OPRM1: variants seen among roughly 807,000 people sequenced by gnomAD.
OPRM1 encodes the protein opioid receptor mu 1.
OPRM1 carries 27 observed loss-of-function variants against 31.8 expected under a neutral mutation model. The ratio of observed to expected loss-of-function variants is 0.85; its 90% CI spans 0.63 to 1.17. OPRM1 has a LOEUF of 1.17. OPRM1 is among the 50% of genes most tolerant of loss of function. The probability of loss-of-function intolerance (pLI) is 0.00; values close to 1 mark genes in which losing one functional copy is unlikely to be tolerated. For missense variants in OPRM1, 536 were observed against 511.1 expected (o/e 1.05, Z -0.47); for synonymous variants, 196 against 189.9 (o/e 1.03, Z -0.26).
In OPRM1 at chr6:154,168,849, G is replaced by A. The variant is rs1476527078; in HGVS notation, c.1164+77377G>A. On this transcript the variant is annotated intron_variant, in intron 3 of 3. Coordinates refer to the OPRM1 transcript ENST00000337049. The surrounding 1 kb of genome is among the most constrained non-coding windows in gnomAD (Gnocchi z 4.1). ...TTGAACTCCTGACTTTGGGTGATCC[G>A]CCCACCTTGGCCTCCCAAAGTGCTG... 1.1e-4 allele frequency among the ~76,000 whole-genome samples: 16 copies of A among 151,542 alleles called. No individual in the cohort carries two copies. The highest frequency in any genetic ancestry group is 2.1e-4 in the South Asian group (1 of 4,814).
At chr6:154,234,181 G>A (rs1349579050) in intron 3 of OPRM1, among the ~76,000 whole-genome samples, 2 of 152,072 alleles carry the variant, frequency 1.3e-5, no homozygotes, top group African/African-American at 4.8e-5. Flanking sequence ...GGAGGACAGT[G>A]AGACCCCATC....
intron 3 of OPRM1, among the ~76,000 whole-genome samples, chr6:154,099,506 G>GAAA (rs1794113812): frequency 6.7e-6 from 1 of 150,120 alleles, no homozygotes; most frequent in Admixed American, 6.7e-5. Flanking sequence ...AAAAGAAAGA[G>GAAA]GAAGGAAAGA....
In OPRM1 at chr6:154,131,608, T is replaced by C. The variant is rs1336884649; in HGVS notation, c.*12887T>C. On this transcript the variant is annotated 3_prime_UTR_variant, in exon 4 of 4. Transcript: ENST00000330432. The stretch of plus-strand genomic sequence containing the variant: ...GTAGTCCAGACACCTAAACAGGACA[T>C]AGAAATGTCAACTGGTCATATTAAA... 1.3e-5 allele frequency among the ~76,000 whole-genome samples: 2 copies of C among 152,218 alleles called. No homozygotes were observed. The highest frequency in any genetic ancestry group is 3.8e-4 in the East Asian group (2 of 5,200).
intron 3 of OPRM1, among the ~76,000 whole-genome samples, chr6:154,186,703 C>T (rs986218070): frequency 1.3e-5 from 2 of 152,038 alleles, no homozygotes; most frequent in Non-Finnish European, 2.9e-5. Flanking sequence ...ACTACAGGCG[C>T]CCGCCATCAC....
chr6:154,188,973 A>C (rs1235919210), intron 3 of OPRM1, among the ~76,000 whole-genome samples: 2 of 152,196 alleles, frequency 1.3e-5, no homozygotes, highest in African/African-American at 4.8e-5. Context: ...AGGATAGATA[A>C]TTTTAATCAC....
intron 3 of OPRM1, among the ~76,000 whole-genome samples, chr6:154,180,088 G>C (rs918194715): frequency 2.0e-5 from 3 of 152,120 alleles, no homozygotes; most frequent in African/African-American, 7.2e-5. Context: ...TGTCCATAAA[G>C]CAGCACTCTG....
chr6:154,200,478 T>G (rs933037689), intron 3 of OPRM1, among the ~76,000 whole-genome samples: 9 of 152,310 alleles, frequency 5.9e-5, no homozygotes, highest in Non-Finnish European at 1.2e-4. Context: ...CCCAGCACTT[T>G]GGAAGACCGA....
chr6:154,081,517 AT>A (rs1162553738), intron 1 of OPRM1, among the ~76,000 whole-genome samples: 1 of 148,548 alleles, frequency 6.7e-6, no homozygotes, highest in African/African-American at 2.5e-5. Flanking sequence ...AAATAAATAA[AT>A]AAATGAAAGA....
chr6:154,158,147 T>G lies in OPRM1; in HGVS notation c.1164+66675T>G, dbSNP rs549072260. 3 of 152,380 alleles carry G rather than the reference T, an allele frequency of 2.0e-5. No homozygotes were observed. The South Asian group carries it at 6.2e-4, about 32-fold the overall frequency. The allele number at this position is 152,380 out of a possible 1,614,324, so 9.4% of individuals were successfully genotyped here. A position where few individuals can be genotyped will look rare whatever the true frequency, so the allele number is the denominator to read the frequency against. On this transcript the variant is annotated intron_variant, in intron 3 of 3. Transcript: ENST00000337049. The stretch of plus-strand genomic sequence containing the variant: ...TTCTTAGTAAAGCTTGGGGAACTAT[T>G]CAACAACTATTTCCATTTTGTTTGC...
At chr6:154,150,100 C>G (rs992038458) in intron 3 of OPRM1, among the ~76,000 whole-genome samples, 3 of 152,216 alleles carry the variant, frequency 2.0e-5, no homozygotes, top group Non-Finnish European at 4.4e-5. Flanking sequence ...GCACTTGCGT[C>G]CCTTCCTCCA....
Position 154,039,712 on chromosome 6 carries a change from C to G in OPRM1, c.168C>G (p.Asp56Glu), listed in dbSNP as rs1430971980. 3.7e-6 allele frequency: 6 copies of G among 1,612,886 alleles called. No homozygotes were observed. Among genetic ancestry groups the G allele is most frequent in the African/African-American group, 2.7e-5 (2 of 74,934 alleles). Residue 56 changes from aspartate to glutamate, a missense_variant, in exon 1 of 4, where the codon GAC becomes GAG. By Grantham distance (45) the Asp-to-Glu change is conservative. Transcript: ENST00000330432. ...ACCGCACCGACCTGGGCGGGAGAGA[C>G]AGCCTGTGCCCTCCGACCGGCAGTC... ...GPNRTDLGGR[D>E]SLCPPTGSPS...
downstream of OPRM1, among the ~76,000 whole-genome samples, chr6:154,134,490 C>A (rs532324105): frequency 2.0e-5 from 3 of 152,166 alleles, no homozygotes; most frequent in Non-Finnish European, 4.4e-5. Flanking sequence ...TCTGAAGCTG[C>A]GCCTGAATCA....
At chr6:154,066,002 T>C (rs1223291548) in intron 1 of OPRM1, among the ~76,000 whole-genome samples, 9 of 152,210 alleles carry the variant, frequency 5.9e-5, no homozygotes, top group Non-Finnish European at 1.3e-4. Context: ...TAACAAATAC[T>C]TTTTCTGAAT....
intron 1 of OPRM1, among the ~76,000 whole-genome samples, chr6:154,049,008 C>T (rs1225907165): frequency 1.3e-5 from 2 of 152,140 alleles, no homozygotes; most frequent in Admixed American, 1.3e-4. Context: ...AGGGCAGGTT[C>T]CTGTGAGCCT....
At chr6:154,197,518 A>C (rs1776711138) in intron 3 of OPRM1, among the ~76,000 whole-genome samples, 1 of 152,234 alleles carries the variant, frequency 6.6e-6, no homozygotes, top group African/African-American at 2.4e-5. Context: ...TACCAAGAGG[A>C]ATACTGTCAC....
chr6:154,093,651 G>A, intron 3 of OPRM1: 1 of 978,484 alleles, frequency 1.0e-6, no homozygotes, highest in Non-Finnish European at 1.4e-6. Context: ...AGCAGTATCA[G>A]TGTAAGATAA....
In OPRM1 at chr6:154,174,497, CA is replaced by C. The variant is rs921549221; in HGVS notation, c.1165-72187del. Among the ~76,000 whole-genome samples, 69 of 148,172 alleles carry C rather than the reference CA, an allele frequency of 4.7e-4. 1 individual carries two copies. Among genetic ancestry groups the C allele is most frequent in the Non-Finnish European group, 4.2e-4 (28 of 66,862 alleles). ...GAAGATCTATCAAGCAAATGGAAAG[CA>C]AAAAAAAAGCAGGGGTTGCAATCCT... On this transcript the variant is annotated intron_variant, in intron 3 of 3. Transcript: ENST00000337049.
intron 3 of OPRM1, among the ~76,000 whole-genome samples, chr6:154,173,129 C>A (rs1800013292): frequency 6.6e-6 from 1 of 152,180 alleles, no homozygotes; most frequent in Non-Finnish European, 1.5e-5. Flanking sequence ...TCAACATCAA[C>A]AAAAAGGAAG....
chr6:154,109,784 C>CTGTGTGTG (rs1202510340), intron 3 of OPRM1, among the ~76,000 whole-genome samples: 1 of 121,526 alleles, frequency 8.2e-6, no homozygotes, highest in African/African-American at 2.9e-5. Context: ...CTCTCTCTCT[C>CTGTGTGTG]TCTCTCTCTG....
Sources: allele counts gnomAD v4.1 joint callset (sites outside exome capture counted in the v4.1 genomes callset), GRCh38; gene constraint gnomAD v4.1.1; non-coding constraint Gnocchi (gnomAD v3.1); transcripts MANE v1.5; gene names NCBI Gene and HGNC (gene_info 2026-07-23, HGNC 2026-07-21).